The following OSBPL10 variants were observed in gnomAD, a reference collection of about 807,000 sequenced individuals.
OSBPL10 encodes the protein oxysterol-binding protein-related protein 10.
OSBPL10 carries 49 observed loss-of-function variants against 81.7 expected under a neutral mutation model. The ratio of observed to expected loss-of-function variants is 0.60; its 90% CI spans 0.48 to 0.76. The LOEUF is 0.76. Among genes scored for constraint, OSBPL10 ranks in the 30% least tolerant of loss-of-function variants. OSBPL10 has a pLI of 0.00. For synonymous variants in OSBPL10, 419 were observed against 383.6 expected (o/e 1.09, Z -1.08); for missense variants, 923 against 987.8 (o/e 0.93, Z 0.88).
intron 1 of OSBPL10, among the ~76,000 whole-genome samples, chr3:31,888,496 T>C (rs962043944): frequency 1.3e-5 from 2 of 152,184 alleles, no homozygotes; most frequent in African/African-American, 4.8e-5. Flanking sequence ...TATAAAAGCT[T>C]CTGTGCAACA....
intron 1 of OSBPL10, among the ~76,000 whole-genome samples, chr3:32,068,823 T>C (rs1044591577): frequency 6.6e-6 from 1 of 151,998 alleles, no homozygotes; most frequent in Non-Finnish European, 1.5e-5. Context: ...CAACCCCAAG[T>C]GTCACTGAGT....
intron 3 of OSBPL10, among the ~76,000 whole-genome samples, chr3:31,841,065 C>T (rs1380629305): frequency 7.9e-5 from 12 of 152,182 alleles, no homozygotes; most frequent in Non-Finnish European, 1.5e-4. Flanking sequence ...TGTGCCACCA[C>T]GCCCAGCTAA....
At chr3:31,767,331 C>T (rs190828801) in intron 4 of OSBPL10, among the ~76,000 whole-genome samples, 70 of 152,320 alleles carry the variant, frequency 4.6e-4, no homozygotes, top group African/African-American at 1.6e-3. Flanking sequence ...GCAATAACCA[C>T]TTGGAAAGTA....
At chr3:31,997,625 T>G (rs1302315724) in intron 2 of OSBPL10, among the ~76,000 whole-genome samples, 1 of 151,470 alleles carries the variant, frequency 6.6e-6, no homozygotes, top group East Asian at 2.0e-4. Context: ...GAAGAAGGAT[T>G]TTTTTTGTTT....
At chr3:31,854,384 A>G (rs1383777239) in intron 3 of OSBPL10, among the ~76,000 whole-genome samples, 4 of 152,066 alleles carry the variant, frequency 2.6e-5, no homozygotes, top group African/African-American at 9.7e-5. Context: ...CCTTTCCCAC[A>G]TTTTCTTAGC....
intron 1 of OSBPL10, among the ~76,000 whole-genome samples, chr3:31,977,579 G>A (rs1414876749): frequency 2.0e-5 from 3 of 152,064 alleles, no homozygotes; most frequent in Admixed American, 6.6e-5. Context: ...TGATAAGATG[G>A]GTAATAAGAG....
intron 2 of OSBPL10, among the ~76,000 whole-genome samples, chr3:32,010,489 C>G (rs1699243804): frequency 6.6e-6 from 1 of 152,304 alleles, no homozygotes; most frequent in Middle Eastern, 3.4e-3. Context: ...ACAGGAACAG[C>G]TCCAGTCTAC....
chr3:31,977,142 C>T (rs1698715289), intron 1 of OSBPL10, among the ~76,000 whole-genome samples: 1 of 152,128 alleles, frequency 6.6e-6, no homozygotes, highest in Non-Finnish European at 1.5e-5. Flanking sequence ...ACACATTCCC[C>T]TCCTGTGATC....
chr3:31,834,707 TA>T (rs1700326347), intron 3 of OSBPL10, among the ~76,000 whole-genome samples: 1 of 152,174 alleles, frequency 6.6e-6, no homozygotes, highest in African/African-American at 2.4e-5. Context: ...CCAATCAAGG[TA>T]ATCGGGTAAC....
chr3:31,828,190 T>G (rs1575570528), intron 4 of OSBPL10, among the ~76,000 whole-genome samples: 1 of 152,358 alleles, frequency 6.6e-6, no homozygotes, highest in East Asian at 1.9e-4. Context: ...AATGATGGTA[T>G]CATAGTTAAG....
At chr3:31,976,056 G>A (rs1301314137) in intron 1 of OSBPL10, among the ~76,000 whole-genome samples, 1 of 152,182 alleles carries the variant, frequency 6.6e-6, no homozygotes, top group Non-Finnish European at 1.5e-5. Flanking sequence ...TTGGTGCCAA[G>A]TTTTAAAAGG....
intron 4 of OSBPL10, among the ~76,000 whole-genome samples, chr3:31,796,478 G>T (rs1699214333): frequency 6.6e-6 from 1 of 152,160 alleles, no homozygotes; most frequent in African/African-American, 2.4e-5. Flanking sequence ...AGCATCCATG[G>T]ATTTTGGTAT....
intron 1 of OSBPL10, among the ~76,000 whole-genome samples, chr3:31,954,264 A>C (rs1697949773): frequency 1.3e-5 from 2 of 152,182 alleles, no homozygotes; most frequent in Admixed American, 1.3e-4. Flanking sequence ...GAGGTACTGA[A>C]TTAAATGGCC....
chr3:31,930,226 C>A (rs1697203710), intron 1 of OSBPL10, among the ~76,000 whole-genome samples: 1 of 151,844 alleles, frequency 6.6e-6, no homozygotes, highest in Non-Finnish European at 1.5e-5. Context: ...ACATATATGG[C>A]CCCTTGATGT....
intron 4 of OSBPL10, among the ~76,000 whole-genome samples, chr3:31,767,887 T>C (rs1698249433): frequency 1.3e-5 from 2 of 152,186 alleles, no homozygotes. Context: ...CATGGGTCGT[T>C]GGCTTCATGT....
chr3:31,908,309 A>C (rs1271978712), intron 1 of OSBPL10, among the ~76,000 whole-genome samples: 1 of 152,118 alleles, frequency 6.6e-6, no homozygotes, highest in Non-Finnish European at 1.5e-5. Context: ...CTAGCAGCTC[A>C]CTCTAGAATG....
At chr3:31,929,591 C>CA (rs1388752078) in intron 1 of OSBPL10, among the ~76,000 whole-genome samples, 2 of 151,352 alleles carry the variant, frequency 1.3e-5, no homozygotes, top group Non-Finnish European at 2.9e-5. Flanking sequence ...ACTAAAAATA[C>CA]AAAAAAATTA....
intron 1 of OSBPL10, among the ~76,000 whole-genome samples, chr3:31,953,685 T>C (rs997711560): frequency 2.0e-5 from 3 of 152,204 alleles, no homozygotes; most frequent in Non-Finnish European, 4.4e-5. Flanking sequence ...GAATGACAAG[T>C]GTGAGCCACC....
At chr3:32,026,544 T>C (rs934849204) in intron 2 of OSBPL10, among the ~76,000 whole-genome samples, 1 of 152,224 alleles carries the variant, frequency 6.6e-6, no homozygotes, top group African/African-American at 2.4e-5. Context: ...AGGAACTATA[T>C]GGTTCTAAAA....
Sources: gnomAD v4.1 joint callset for allele counts (sites outside exome capture counted in the v4.1 genomes callset) on GRCh38, gnomAD v4.1.1 for gene constraint, MANE v1.5 for transcripts, NCBI Gene and HGNC (gene_info 2026-07-23, HGNC 2026-07-21) for gene names.